NINJ2: variants seen among roughly 807,000 people sequenced by gnomAD.
NINJ2 encodes ninjurin-2.
A neutral mutation model predicts 11.7 loss-of-function variants in NINJ2; 12 were observed. The ratio of observed to expected loss-of-function variants is 1.02; its 90% CI spans 0.66 to 1.66. NINJ2 has a LOEUF of 1.66. Ranked by LOEUF, NINJ2 falls within the 40% of genes most tolerant of loss-of-function variation. The probability of loss-of-function intolerance (pLI) is 0.00; values close to 1 mark genes in which losing one functional copy is unlikely to be tolerated. For missense variants in NINJ2, 187 were observed against 181.8 expected, an observed-to-expected ratio of 1.03 and a Z score of -0.16; for synonymous variants, 93 against 76.8, an observed-to-expected ratio of 1.21 and a Z score of -1.10.
At chr12:607,162 T>C (rs1006029276) in intron 1 of NINJ2, among the ~76,000 whole-genome samples, 1 of 152,182 alleles carries the variant, frequency 6.6e-6, no homozygotes, top group African/African-American at 2.4e-5. Flanking sequence ...TTGCTGGAAA[T>C]GCAGAACCTC....
At chr12:610,363 A>G in intron 1 of NINJ2, 2 of 1,535,576 alleles carry the variant, frequency 1.3e-6, no homozygotes, top group Non-Finnish European at 1.7e-6. Context: ...ATCATGACTC[A>G]GATCCCATTT....
intron 1 of NINJ2, among the ~76,000 whole-genome samples, chr12:660,982 C>G (rs1207126585): frequency 2.0e-5 from 3 of 152,028 alleles, no homozygotes; most frequent in Non-Finnish European, 4.4e-5. Context: ...TAAAAATAAA[C>G]ATTATAATAA....
chr12:648,374 G>A (rs756076737), intron 1 of NINJ2, among the ~76,000 whole-genome samples: 4 of 152,132 alleles, frequency 2.6e-5, no homozygotes, highest in East Asian at 1.9e-4. Flanking sequence ...CACTGCGCCC[G>A]GCCTAACAAA....
At chr12:590,509 G>A (rs1455306418) in intron 1 of NINJ2, 1 of 152,288 alleles carries the variant, frequency 6.6e-6, no homozygotes. Context: ...ATAGGACTCA[G>A]TTGATGAACA....
chr12:573,582 CAAAA>C (rs553806117), intron 1 of NINJ2, among the ~76,000 whole-genome samples: 1 of 150,506 alleles, frequency 6.6e-6, no homozygotes, highest in Non-Finnish European at 1.5e-5. Flanking sequence ...CCATCTAAAA[CAAAA>C]AAAACAGAAA....
chr12:641,011 C>CTTAAGG (rs2120484293), intron 1 of NINJ2: 1 of 152,306 alleles, frequency 6.6e-6, no homozygotes, highest in African/African-American at 2.4e-5. Flanking sequence ...TTGCCTGTGT[C>CTTAAGG]TAGAGTCCTT....
chr12:601,308 A>T (rs1239359864), intron 1 of NINJ2, among the ~76,000 whole-genome samples: 1 of 152,146 alleles, frequency 6.6e-6, no homozygotes, highest in Non-Finnish European at 1.5e-5. Flanking sequence ...GCACTTTGGG[A>T]GGCTGAGGCG....
chr12:573,242 A>G (rs112903809), intron 1 of NINJ2, among the ~76,000 whole-genome samples: 3,388 of 152,070 alleles, frequency 0.022, 78 homozygotes, highest in East Asian at 0.11. Context: ...GCCCAGGCTC[A>G]TCTCGAACTC....
At chr12:584,058 G>A (rs535941630) in intron 1 of NINJ2, among the ~76,000 whole-genome samples, 8 of 138,092 alleles carry the variant, frequency 5.8e-5, no homozygotes, top group Non-Finnish European at 1.1e-4. Flanking sequence ...AACATTTGGA[G>A]TAAAAAAAAA....
At position 633,686 on chromosome 12, in the gene NINJ2, ATGCCTGTAG is replaced by A. The variant is rs1851062236; in HGVS notation, c.33+29633_33+29641del. The stretch of plus-strand genomic sequence containing the variant: ...AAAAATTAGCTGAGCGTGGTGCCAC[ATGCCTGTAG>A]TCCCAGCTACTCAGGAGGCTGAGGC... On this transcript the variant is annotated intron_variant, in intron 1 of 3. Transcript: ENST00000305108. This position sits in a 1 kb window ranked among gnomAD's most constrained non-coding sequence, Gnocchi z 4.3. 6.6e-6 allele frequency among the ~76,000 whole-genome samples: 1 copy of A among 152,028 alleles called. No individual in the cohort carries two copies. The highest frequency in any genetic ancestry group is 2.4e-5 in the African/African-American group (1 of 41,386).
chr12:624,098 T>G, intron 1 of NINJ2, among the ~76,000 whole-genome samples: 1 of 152,082 alleles, frequency 6.6e-6, no homozygotes. Context: ...TTACAGCCCT[T>G]CCTCTACCCT....
At chr12:637,658 AAAAG>A (rs909630419) in intron 1 of NINJ2, among the ~76,000 whole-genome samples, 2 of 151,784 alleles carry the variant, frequency 1.3e-5, no homozygotes, top group African/African-American at 2.4e-5. Flanking sequence ...AAAAAAAAGA[AAAAG>A]AAAAAGAAAA....
chr12:643,046 G>A (rs1948442130), intron 1 of NINJ2: 1 of 152,966 alleles, frequency 6.5e-6, no homozygotes, highest in Admixed American at 6.6e-5. Flanking sequence ...ATTCCCCCGA[G>A]TCGGCCCGCG....
At chr12:634,605 A>G (rs1948325606) in intron 1 of NINJ2, among the ~76,000 whole-genome samples, 1 of 151,980 alleles carries the variant, frequency 6.6e-6, no homozygotes, top group African/African-American at 2.4e-5. Context: ...ACACACACAA[A>G]ATCAGTCTCC....
intron 1 of NINJ2, among the ~76,000 whole-genome samples, chr12:582,355 GTGAA>G (rs1442813848): frequency 1.7e-5 from 2 of 120,736 alleles, no homozygotes; most frequent in African/African-American, 7.0e-5. Context: ...GCATGCTAGA[GTGAA>G]TGAATGAATG....
intron 1 of NINJ2, among the ~76,000 whole-genome samples, chr12:584,763 G>A (rs1947608850): frequency 1.3e-5 from 2 of 152,044 alleles, no homozygotes; most frequent in Non-Finnish European, 2.9e-5. Context: ...CCGAGATTGC[G>A]CCACTGCACT....
intron 1 of NINJ2, among the ~76,000 whole-genome samples, chr12:637,535 G>T (rs1948367197): frequency 6.6e-6 from 1 of 151,384 alleles, no homozygotes; most frequent in African/African-American, 2.4e-5. Context: ...CAGCTACTCG[G>T]GAGGCTGAGG....
Position 614,493 on chromosome 12 carries a change from G to C in NINJ2, c.34-48315C>G, listed in dbSNP as rs7134287. Among the ~76,000 whole-genome samples the C allele has an allele frequency of 0.011, 1,667 of 152,196 alleles. 29 individuals are homozygous for C. Among genetic ancestry groups the C allele is most frequent in the African/African-American group, 0.038 (1,565 of 41,524 alleles). Reference sequence around the variant, plus strand: ...GGTGGCGGTGTGCCTGTGTGCCCACGGGGGGCTCAGCAGATGGCACTCTTC... The same window carrying C: ...GGTGGCGGTGTGCCTGTGTGCCCACCGGGGGCTCAGCAGATGGCACTCTTC... On this transcript the variant is annotated intron_variant, in intron 1 of 3. Coordinates refer to ENST00000305108, the MANE Select transcript of NINJ2 (RefSeq NM_016533.6). This position sits in a 1 kb window ranked among gnomAD's most constrained non-coding sequence, Gnocchi z 5.1.
In NINJ2 at chr12:640,021, G is replaced by A. The variant is rs940891774; in HGVS notation, c.33+23307C>T. ...CCGAATAGTGTATTGGAGATGACAC[G>A]GTGTTTAGTGCTGTTTCAGGTTAAG... On this transcript the variant is annotated intron_variant, in intron 1 of 3. Coordinates refer to ENST00000305108, the MANE Select transcript of NINJ2 (RefSeq NM_016533.6). The surrounding 1 kb of genome is among the most constrained non-coding windows in gnomAD (Gnocchi z 4.0). 1.3e-5 allele frequency among the ~76,000 whole-genome samples: 2 copies of A among 152,210 alleles called. No individual in the cohort carries two copies. Among genetic ancestry groups the A allele is most frequent in the African/African-American group, 2.4e-5 (1 of 41,452 alleles).
Sources: allele counts gnomAD v4.1 joint callset (sites outside exome capture counted in the v4.1 genomes callset), GRCh38; gene constraint gnomAD v4.1.1; non-coding constraint Gnocchi (gnomAD v3.1); transcripts MANE v1.5; gene names NCBI Gene and HGNC (gene_info 2026-07-23, HGNC 2026-07-21).